The following DNAH10 variants were observed in gnomAD, a reference collection of about 807,000 sequenced individuals.
DNAH10 encodes the protein dynein axonemal heavy chain 10, also known as axonemal beta dynein heavy chain 10.
DNAH10 carries 348 observed loss-of-function variants against 506.6 expected under a neutral mutation model. That is an observed-to-expected ratio of 0.69 (90% confidence interval 0.63 to 0.75). The LOEUF (loss-of-function observed/expected upper bound fraction) is 0.75, where lower values mean the gene tolerates loss of function less well. Among genes scored for constraint, DNAH10 ranks in the 30% least tolerant of loss-of-function variants. The probability of loss-of-function intolerance (pLI) is 0.00; values close to 1 mark genes in which losing one functional copy is unlikely to be tolerated. For missense variants in DNAH10, 5,179 were observed against 5,787.1 expected (o/e 0.89, Z 3.41); for synonymous variants, 2,059 against 2,198.6 (o/e 0.94, Z 1.78).
rs1415241592 is a variant in DNAH10 at position 123,914,333 on chromosome 12, C to T, written c.10357C>T (p.Leu3453=). 6.2e-7 allele frequency: 1 copy of T among 1,611,184 alleles called. No homozygotes were observed. Among genetic ancestry groups the T allele is most frequent in the Non-Finnish European group, 8.5e-7 (1 of 1,178,554 alleles). Residue 3453 remains leucine (L), a synonymous_variant, in exon 61 of 79, where the codon CTG becomes TTG. Transcript: ENST00000673944. The part of the protein sequence containing the change: ...SGLGSENIRW[L]NDLDELMHRR... Reference sequence around the variant, plus strand: ...CTCCCTCTCCTCCCGTGCCAGGTGGCTGAACGACCTGGATGAGCTGATGCA... The same window carrying T: ...CTCCCTCTCCTCCCGTGCCAGGTGGTTGAACGACCTGGATGAGCTGATGCA...
intron 18 of DNAH10, among the ~76,000 whole-genome samples, chr12:123,805,339 AG>A (rs951803209): frequency 6.6e-6 from 1 of 152,232 alleles, no homozygotes; most frequent in Non-Finnish European, 1.5e-5. Context: ...AGAATCCCAG[AG>A]GACTTCCTTG....
chr12:123,859,012 C>T lies in DNAH10; in HGVS notation c.6631-138C>T. 3.7e-6 allele frequency: 3 copies of T among 809,218 alleles called. No individual in the cohort carries two copies. In the Admixed American group the frequency reaches 9.1e-5, roughly 25 times the overall value. 50.1% of individuals were successfully genotyped at this position (809,218 alleles called of 1,614,324 possible). A position where few individuals can be genotyped will look rare whatever the true frequency, so the allele number is the denominator to read the frequency against. ...AAAATTGCTCATGGGGATGGTTGCACAACTCTGTGAATATACTGGAAACCA... is the reference window on the plus strand; with the variant it reads ...AAAATTGCTCATGGGGATGGTTGCATAACTCTGTGAATATACTGGAAACCA... On this transcript the variant is annotated intron_variant, in intron 37 of 78. Transcript: ENST00000673944.
chr12:123,914,247 T>C, intron 60 of DNAH10, 82 bp from the exon 61 acceptor site: 1 of 1,304,640 alleles, frequency 7.7e-7, no homozygotes, highest in Admixed American at 2.0e-5. Flanking sequence ...TAGCAAGGTA[T>C]CAAGCTGGTT....
In DNAH10 at chr12:123,853,095, C is replaced by A; in HGVS notation, c.6292-111C>A. On this transcript the variant is annotated intron_variant, in intron 35 of 78. Coordinates refer to ENST00000673944, the MANE Select transcript of DNAH10 (RefSeq NM_001372106.1). This position sits in a 1 kb window ranked among gnomAD's most constrained non-coding sequence, Gnocchi z 4.7. ...TGGAATTTGCTTATTTGTAGAGCAG[C>A]TGCACTGGAACACCTGCCCCCGTTT... 2 of 1,166,970 alleles carry A rather than the reference C, an allele frequency of 1.7e-6. No individual in the cohort carries two copies. Among genetic ancestry groups the A allele is most frequent in the Non-Finnish European group, 2.3e-6 (2 of 873,264 alleles). 72.3% of individuals were successfully genotyped at this position (1,166,970 alleles called of 1,614,324 possible). A position where few individuals can be genotyped will look rare whatever the true frequency, so the allele number is the denominator to read the frequency against.
rs369864472 is a variant in DNAH10 at position 123,893,241 on chromosome 12, C to G, written c.9004C>G (p.Pro3002Ala). 3 of 1,613,826 alleles carry G rather than the reference C, an allele frequency of 1.9e-6. No individual in the cohort carries two copies. The highest frequency in any genetic ancestry group is 1.7e-5 in the Admixed American group (1 of 59,990). ...ATGTCTTCCTTTTCCAGGAATTGTA[C>G]CTGCGCTTTTTTCTGAAGAGGAGAA... is the stretch of plus-strand genomic sequence containing the variant. Reference protein sequence around the residue: ...INNMLTSGIVPALFSEEEKES... With the variant: ...INNMLTSGIVAALFSEEEKES... The change falls in exon 53 of 79, where the codon CCT becomes GCT. Residue 3002 changes from proline to alanine, a missense_variant. Pro to Ala is a conservative substitution (Grantham distance 27). Transcript: ENST00000673944.
At chr12:123,823,905 G>A (rs1456684706) in intron 24 of DNAH10, among the ~76,000 whole-genome samples, 1 of 152,050 alleles carries the variant, frequency 6.6e-6, no homozygotes, top group Non-Finnish European at 1.5e-5. Flanking sequence ...CCAATATTGA[G>A]ACATAGCTTG....
At chr12:123,779,219 A>G (rs1001770944) in intron 5 of DNAH10, among the ~76,000 whole-genome samples, 2 of 151,618 alleles carry the variant, frequency 1.3e-5, no homozygotes, top group Non-Finnish European at 2.9e-5. Context: ...TTTTCTTTTA[A>G]TTGTAGAGAT....
chr12:123,934,216 G>T, intron 77 of DNAH10: 1 of 701,518 alleles, frequency 1.4e-6, no homozygotes, highest in East Asian at 2.7e-5. Context: ...GTGAGGCTTC[G>T]ACTTCCTGCT....
At chr12:123,795,866 T>G (rs1958256560) in intron 12 of DNAH10, among the ~76,000 whole-genome samples, 1 of 152,186 alleles carries the variant, frequency 6.6e-6, no homozygotes, top group East Asian at 1.9e-4. Context: ...TAAAAGAGTA[T>G]AATTGGATTG....
intron 21 of DNAH10, among the ~76,000 whole-genome samples, chr12:123,816,274 G>A (rs534959162): frequency 6.6e-6 from 1 of 152,332 alleles, no homozygotes; most frequent in South Asian, 2.1e-4. Context: ...CTGGTTGCCA[G>A]AAAGATCAAG....
At chr12:123,859,111 G>A (rs764096496) in intron 37 of DNAH10, 39 bp from the exon 38 acceptor site, 26 of 1,554,620 alleles carry the variant, frequency 1.7e-5, no homozygotes, top group Non-Finnish European at 2.1e-5. Flanking sequence ...TCAGAAAAAA[G>A]ATAATGTTTT....
intron 24 of DNAH10, among the ~76,000 whole-genome samples, chr12:123,822,200 C>T (rs775825589): frequency 6.6e-6 from 1 of 152,126 alleles, no homozygotes; most frequent in Non-Finnish European, 1.5e-5. Flanking sequence ...GAGTGAGACT[C>T]TGTCTCAAAA....
intron 16 of DNAH10, among the ~76,000 whole-genome samples, chr12:123,802,675 A>G (rs936611784): frequency 6.8e-6 from 1 of 147,666 alleles, no homozygotes; most frequent in African/African-American, 2.5e-5. Flanking sequence ...TTACATTTCC[A>G]TCATCAATAT....
intron 15 of DNAH10, 58 bp downstream of exon 15, chr12:123,800,446 C>T (rs994310219): frequency 3.2e-5 from 48 of 1,508,244 alleles, no homozygotes; most frequent in South Asian, 9.9e-5. Context: ...GACCCCTTTA[C>T]GCTCTTAAAA....
At position 123,841,442 on chromosome 12, in the gene DNAH10, G is replaced by A. The variant is rs973880042; in HGVS notation, c.5257G>A (p.Gly1753Arg). ...GTTTCGGAAGATCTTGCGGGCTGAA[G>A]GGCGCGTGGAGGACTGGATGACGGC... is the stretch of plus-strand genomic sequence containing the variant. ...MEFRKILRAEGRVEDWMTAVL... is the reference protein window; with the variant it reads ...MEFRKILRAERRVEDWMTAVL... The change falls in exon 30 of 79, where the codon GGG becomes AGG. Residue 1753 changes from glycine to arginine, a missense_variant. This residue lies in a region of DNAH10 where 4,844 missense variants were observed against 5,430.5 expected (regional missense o/e 0.89). Coordinates refer to ENST00000673944, the MANE Select transcript of DNAH10 (RefSeq NM_001372106.1). The A allele has an allele frequency of 2.5e-6, 4 of 1,613,998 alleles. No homozygotes were observed. The highest frequency in any genetic ancestry group is 3.4e-6 in the Non-Finnish European group (4 of 1,179,876).
chr12:123,895,159 C>T (rs1953162924), intron 54 of DNAH10, among the ~76,000 whole-genome samples: 1 of 152,196 alleles, frequency 6.6e-6, no homozygotes, highest in South Asian at 2.1e-4. Flanking sequence ...CATGTGCTGG[C>T]CTCTATCCAA....
Position 123,902,971 on chromosome 12 carries a change from G to T in DNAH10, c.9673G>T (p.Ala3225Ser). 6.3e-7 allele frequency: 1 copy of T among 1,592,348 alleles called. No individual in the cohort carries two copies. Among genetic ancestry groups the T allele is most frequent in the South Asian group, 1.1e-5 (1 of 87,406 alleles). Residue 3225 changes from alanine (A) to serine (S), a missense_variant, in exon 57 of 79, where the codon GCC (alanine) becomes TCC (serine). Coordinates refer to ENST00000673944, the MANE Select transcript of DNAH10 (RefSeq NM_001372106.1). The surrounding 1 kb of genome is among the most constrained non-coding windows in gnomAD (Gnocchi z 4.5). Reference sequence around the variant, plus strand: ...GAAGAAGAAACTGGCAGAGGAAAAGGCCATGGAGATAGAGGAGCAGAACAA... The same window carrying T: ...GAAGAAGAAACTGGCAGAGGAAAAGTCCATGGAGATAGAGGAGCAGAACAA... Reference protein sequence around the residue: ...EEKKKLAEEKAMEIEEQNKVI... With the variant: ...EEKKKLAEEKSMEIEEQNKVI...
intron 25 of DNAH10, among the ~76,000 whole-genome samples, chr12:123,829,520 A>G (rs750799860): frequency 6.6e-6 from 1 of 152,148 alleles, no homozygotes; most frequent in African/African-American, 2.4e-5. Context: ...CAGTGGTGAG[A>G]CCTTCAGCTT....
rs1418483021 is a variant in DNAH10, at chr12:123,813,018, A to G, written c.3145-146A>G. 4 of 634,674 alleles carry G rather than the reference A, an allele frequency of 6.3e-6. No individual in the cohort carries two copies. In the African/African-American group the frequency reaches 7.3e-5, roughly 12 times the overall value. 39.3% of individuals were successfully genotyped at this position (634,674 alleles called of 1,614,324 possible). On this transcript the variant is annotated intron_variant, in intron 19 of 78. Transcript: ENST00000673944. Reference sequence around the variant, plus strand: ...CTCTTGATGAGAGGAACAAAGGATTATGGTAATTTTTGAATCTCAAATAAT... The same window carrying G: ...CTCTTGATGAGAGGAACAAAGGATTGTGGTAATTTTTGAATCTCAAATAAT...
Sources: allele counts gnomAD v4.1 joint callset (sites outside exome capture counted in the v4.1 genomes callset), GRCh38; gene constraint gnomAD v4.1.1; regional missense constraint gnomAD v4.1.1; non-coding constraint Gnocchi (gnomAD v3.1); transcripts MANE v1.5; gene names NCBI Gene and HGNC (gene_info 2026-07-23, HGNC 2026-07-21).